Variants in ILRUN observed in about 807,000 individuals in gnomAD.
The protein encoded by ILRUN is inflammation and lipid regulator with UBA-like and NBR1-like domains.
Under a neutral mutation model 33.8 loss-of-function variants are expected in ILRUN, and 3 were observed. The ratio of observed to expected loss-of-function variants is 0.09; its 90% CI spans 0.04 to 0.23. The LOEUF is 0.23. Among genes scored for constraint, ILRUN ranks in the 10% least tolerant of loss-of-function variants. ILRUN has a pLI of 1.00. For missense variants in ILRUN, 210 were observed against 375.1 expected (o/e 0.56, Z 3.64); for synonymous variants, 124 against 138.9 (o/e 0.89, Z 0.75).
chr6:34,674,709 G>C (rs1378189248), intron 1 of ILRUN, among the ~76,000 whole-genome samples: 1 of 152,118 alleles, frequency 6.6e-6, no homozygotes, highest in Non-Finnish European at 1.5e-5. Flanking sequence ...TGGATAAAAT[G>C]AAAATTAAAT....
chr6:34,658,347 CAAAA>C (rs35618991), intron 1 of ILRUN, among the ~76,000 whole-genome samples: 1 of 105,242 alleles, frequency 9.5e-6, no homozygotes. Context: ...GACTCTGTCT[CAAAA>C]AAAAAAAAAA....
intron 3 of ILRUN, among the ~76,000 whole-genome samples, chr6:34,644,781 A>C (rs1338278380): frequency 6.6e-6 from 1 of 152,082 alleles, no homozygotes; most frequent in African/African-American, 2.4e-5. Context: ...GGAGGAAGCA[A>C]GAAGGAAAGG....
chr6:34,683,145 TATAA>T (rs745318140), intron 1 of ILRUN, among the ~76,000 whole-genome samples: 12 of 145,532 alleles, frequency 8.2e-5, no homozygotes, highest in Middle Eastern at 3.5e-3. Flanking sequence ...CACACACACA[TATAA>T]ATACACACGT....
intron 1 of ILRUN, among the ~76,000 whole-genome samples, chr6:34,683,494 A>G (rs1562033196): frequency 1.1e-5 from 1 of 93,480 alleles, no homozygotes; most frequent in African/African-American, 6.5e-5. Context: ...ATACATATAT[A>G]TATACATATA....
chr6:34,683,491 T>TATAC (rs1763443031), intron 1 of ILRUN, among the ~76,000 whole-genome samples: 1 of 92,926 alleles, frequency 1.1e-5, no homozygotes, highest in African/African-American at 6.5e-5. Context: ...TATATACATA[T>TATAC]ATATATACAT....
intron 1 of ILRUN, among the ~76,000 whole-genome samples, chr6:34,662,372 C>T (rs1009705985): frequency 1.3e-5 from 2 of 151,304 alleles, no homozygotes; most frequent in Admixed American, 1.3e-4. Flanking sequence ...TAAGTTAAAA[C>T]TTACTCAGAT....
At chr6:34,650,433 T>C (rs1417637049) in intron 2 of ILRUN, among the ~76,000 whole-genome samples, 1 of 150,138 alleles carries the variant, frequency 6.7e-6, no homozygotes, top group Non-Finnish European at 1.5e-5. Flanking sequence ...ATTTATTTAT[T>C]TATTTATTTA....
chr6:34,633,550 A>G (rs183209881), intron 3 of ILRUN, among the ~76,000 whole-genome samples: 1 of 152,132 alleles, frequency 6.6e-6, no homozygotes, highest in Admixed American at 6.6e-5. Context: ...ACCTTAATAA[A>G]TTAAACAAAA....
chr6:34,614,500 A>AT (rs139197996), intron 3 of ILRUN, among the ~76,000 whole-genome samples: 1 of 133,176 alleles, frequency 7.5e-6, no homozygotes, highest in East Asian at 2.0e-4. Flanking sequence ...TATATATTAT[A>AT]TTTTATATAT....
chr6:34,593,411 G>A (rs961924281), intron 4 of ILRUN, among the ~76,000 whole-genome samples: 3 of 152,170 alleles, frequency 2.0e-5, no homozygotes, highest in Admixed American at 2.0e-4. Context: ...TTATGACTTT[G>A]TCAAAAAGCT....
chr6:34,696,216 T>G, intron 1 of ILRUN: 1 of 509,346 alleles, frequency 2.0e-6, no homozygotes, highest in South Asian at 2.7e-5. Context: ...GCCCCCACCA[T>G]CTCCCTTCCG....
chr6:34,652,671 T>C (rs1408751503), intron 2 of ILRUN, among the ~76,000 whole-genome samples: 1 of 152,214 alleles, frequency 6.6e-6, no homozygotes, highest in Non-Finnish European at 1.5e-5. Flanking sequence ...TCATCTCATA[T>C]AAAATTAACT....
chr6:34,672,470 T>C (rs541945155), intron 1 of ILRUN, among the ~76,000 whole-genome samples: 1 of 152,122 alleles, frequency 6.6e-6, no homozygotes, highest in East Asian at 1.9e-4. Context: ...TCCCAGCATT[T>C]TGGGAGGCTG....
intron 3 of ILRUN, among the ~76,000 whole-genome samples, chr6:34,609,196 GA>G (rs1421073297): frequency 5.3e-5 from 8 of 152,282 alleles, no homozygotes; most frequent in African/African-American, 1.9e-4. Flanking sequence ...TATATCAAAA[GA>G]AGGCAGCCTG....
chr6:34,682,776 T>C (rs941123208), intron 1 of ILRUN, among the ~76,000 whole-genome samples: 1 of 152,078 alleles, frequency 6.6e-6, no homozygotes, highest in Non-Finnish European at 1.5e-5. Context: ...ACCCAGCACA[T>C]TGTTAATTCT....
chr6:34,653,132 C>CAA (rs947213125), intron 2 of ILRUN, among the ~76,000 whole-genome samples: 593 of 51,406 alleles, frequency 0.012, 19 homozygotes, highest in African/African-American at 0.03. Context: ...GACCTTGTCT[C>CAA]AAAAAAAAAA....
rs1281162248 is a variant in ILRUN at position 34,588,458 on chromosome 6, C to G, written c.*2107G>C. The G allele has an allele frequency of 2.6e-6, 1 of 380,916 alleles. No homozygotes were observed. Among genetic ancestry groups the G allele is most frequent in the South Asian group, 1.5e-4 (1 of 6,870 alleles). 23.6% of individuals were successfully genotyped at this position (380,916 alleles called of 1,614,324 possible). A position where few individuals can be genotyped will look rare whatever the true frequency, so the allele number is the denominator to read the frequency against. On this transcript the variant is annotated 3_prime_UTR_variant, in exon 5 of 5. Coordinates refer to ENST00000374023, the MANE Select transcript of ILRUN (RefSeq NM_024294.4). The stretch of plus-strand genomic sequence containing the variant: ...CAGGGACAGTGGAGATGTGCTGCTT[C>G]AAGGCTACTAAGCAGTAAGAACAGC...
chr6:34,646,662 G>C lies in ILRUN; in HGVS notation c.450C>G (p.Ser150Arg). ...ADVSVQMCSP[S>R]RAGMYQGQWR... ...ACTGTCCCTGATACATTCCTGCTCT[G>C]CTGGGGCTGCACATCTGGACGCTGA... is the stretch of plus-strand genomic sequence containing the variant. The change falls in exon 3 of 5, where the codon AGC becomes AGG. Residue 150 changes from serine (S) to arginine (R), a missense_variant. Transcript: ENST00000374023. The surrounding 1 kb of genome is among the most constrained non-coding windows in gnomAD (Gnocchi z 4.9). 2 of 1,614,150 alleles carry C rather than the reference G, an allele frequency of 1.2e-6. No individual in the cohort carries two copies. The highest frequency in any genetic ancestry group is 1.7e-6 in the Non-Finnish European group (2 of 1,180,018).
chr6:34,626,983 C>A (rs777019761), intron 3 of ILRUN, among the ~76,000 whole-genome samples: 42 of 151,190 alleles, frequency 2.8e-4, no homozygotes, highest in Non-Finnish European at 4.9e-4. Flanking sequence ...CCAGCCTGGG[C>A]AACAGAGCGA....
Sources: allele counts gnomAD v4.1 joint callset (sites outside exome capture counted in the v4.1 genomes callset), GRCh38; gene constraint gnomAD v4.1.1; non-coding constraint Gnocchi (gnomAD v3.1); transcripts MANE v1.5; gene names NCBI Gene and HGNC (gene_info 2026-07-23, HGNC 2026-07-21).